The following ERCC1 variants were observed in gnomAD, a reference collection of about 807,000 sequenced individuals.
ERCC1 encodes ERCC excision repair 1, endonuclease non-catalytic subunit.
In ERCC1, 36 loss-of-function variants were observed where a neutral mutation model predicts 37.6. The ratio of observed to expected loss-of-function variants is 0.96; its 90% CI spans 0.73 to 1.26. The LOEUF (loss-of-function observed/expected upper bound fraction) is 1.26. Ranked by LOEUF, ERCC1 falls within the 50% of genes most tolerant of loss-of-function variation. The pLI is 0.00. For synonymous variants in ERCC1, 156 were observed against 162.1 expected (o/e 0.96, Z 0.28); for missense variants, 349 against 376.5 (o/e 0.93, Z 0.60).
chr19:45,412,623 T>C (rs993872676), intron 9 of ERCC1, among the ~76,000 whole-genome samples: 2 of 152,252 alleles, frequency 1.3e-5, no homozygotes, highest in African/African-American at 4.8e-5. Context: ...TTAGAACTCT[T>C]ATCTTCTGAT....
intron 7 of ERCC1, 191 bp from the exon 8 acceptor site, chr19:45,414,225 C>T (rs549077853): frequency 1.1e-5 from 7 of 634,852 alleles, no homozygotes; most frequent in Admixed American, 4.8e-5. Flanking sequence ...CCTAATAATC[C>T]CAGCACTTTC....
intron 1 of ERCC1, among the ~76,000 whole-genome samples, chr19:45,434,428 G>C (rs548083679): frequency 6.6e-6 from 1 of 151,944 alleles, no homozygotes; most frequent in Admixed American, 6.6e-5. Flanking sequence ...AAATGTCAAG[G>C]CTGCAGAGGG....
At chr19:45,444,353 C>A (rs1975202970) in intron 1 of ERCC1, among the ~76,000 whole-genome samples, 1 of 145,404 alleles carries the variant, frequency 6.9e-6, no homozygotes, top group South Asian at 2.2e-4. Flanking sequence ...CCCTCCCGGG[C>A]GCGCTCCCAC....
chr19:45,434,135 G>GTC (rs1461017996), intron 1 of ERCC1, among the ~76,000 whole-genome samples: 6 of 91,964 alleles, frequency 6.5e-5, no homozygotes, highest in African/African-American at 2.5e-4. Flanking sequence ...CAGCAAGAAT[G>GTC]TCTCACACAC....
chr19:45,411,111 A>T (rs918089599), intron 9 of ERCC1, among the ~76,000 whole-genome samples: 4 of 152,182 alleles, frequency 2.6e-5, no homozygotes, highest in Non-Finnish European at 5.9e-5. Context: ...GGTGTGAGCC[A>T]CCGCGCCCAG....
upstream of ERCC1, among the ~76,000 whole-genome samples, chr19:45,426,248 G>A (rs867079592): frequency 1.1e-4 from 16 of 151,998 alleles, no homozygotes; most frequent in Middle Eastern, 3.4e-3. Context: ...GCGTGGTAGC[G>A]CACACCTGTA....
chr19:45,442,184 C>T (rs1335858840), intron 1 of ERCC1, among the ~76,000 whole-genome samples: 1 of 151,114 alleles, frequency 6.6e-6, no homozygotes, highest in African/African-American at 2.4e-5. Flanking sequence ...AGTGTGGTGG[C>T]ATGCACCTGT....
chr19:45,429,577 A>G (rs1974784798), intron 1 of ERCC1, among the ~76,000 whole-genome samples: 1 of 152,178 alleles, frequency 6.6e-6, no homozygotes, highest in African/African-American at 2.4e-5. Context: ...GTTTCTCACC[A>G]GCAAGAGAAC....
In ERCC1 at chr19:45,439,161, G is replaced by A. The variant is rs757529590; in HGVS notation, c.-7-15780C>T. On this transcript the variant is annotated intron_variant, in intron 1 of 8. Transcript: ENST00000423698. ...AGATCGCACCACTGCACTCCAGCCT[G>A]GGCGACAGAGCGAGACTCTGTCTCA... Among the ~76,000 whole-genome samples, 46 of 152,014 alleles carry A rather than the reference G, an allele frequency of 3.0e-4. 1 individual carries two copies. Among genetic ancestry groups the A allele is most frequent in the Non-Finnish European group, 1.5e-4 (10 of 68,004 alleles).
chr19:45,408,920 C>A lies in ERCC1; in HGVS notation c.*755G>T. 6.2e-7 allele frequency: 1 copy of A among 1,614,062 alleles called. No individual in the cohort carries two copies. Among genetic ancestry groups the A allele is most frequent in the East Asian group, 2.2e-5 (1 of 44,868 alleles). On this transcript the variant is annotated 3_prime_UTR_variant, in exon 10 of 10. Transcript: ENST00000300853. Reference sequence around the variant, plus strand: ...TCAGCCACAGGTGAAGGTGGAGCCACTGGAGGAAGCCATCCCTCTGCCCCC... The same window carrying A: ...TCAGCCACAGGTGAAGGTGGAGCCAATGGAGGAAGCCATCCCTCTGCCCCC...
At chr19:45,447,039 A>C (rs1966965652) in intron 1 of ERCC1, among the ~76,000 whole-genome samples, 1 of 151,972 alleles carries the variant, frequency 6.6e-6, no homozygotes, top group South Asian at 2.1e-4. Flanking sequence ...AGATGGGGAG[A>C]ATGCTGGCCC....
At chr19:45,423,744 G>A (rs1974587832) in intron 1 of ERCC1, 37 bp downstream of exon 1, 1 of 1,155,198 alleles carries the variant, frequency 8.7e-7, no homozygotes, top group Non-Finnish European at 1.1e-6. Flanking sequence ...TGGCTTCCGC[G>A]GCGCCAATCT....
Position 45,450,135 on chromosome 19 carries a change from G to A in ERCC1, c.-7-26754C>T, listed in dbSNP as rs927179342. On this transcript the variant is annotated intron_variant, in intron 1 of 8. Transcript: ENST00000423698. ...TCACCTCCATTTCAGGAAGGAAGGA[G>A]GCTCAGAGGAAGTCACAGGTCAAGG... Among the ~76,000 whole-genome samples the A allele has an allele frequency of 8.5e-5, 13 of 152,272 alleles. No individual in the cohort carries two copies. In the East Asian group the frequency reaches 1.4e-3, roughly 16 times the overall value.
At chr19:45,438,103 G>C (rs1807180833) in intron 1 of ERCC1, among the ~76,000 whole-genome samples, 1 of 152,110 alleles carries the variant, frequency 6.6e-6, no homozygotes, top group South Asian at 2.1e-4. Context: ...GTAGAGATGG[G>C]ATTTCACCGT....
In ERCC1 at chr19:45,420,309, C is replaced by T. The variant is rs762946909; in HGVS notation, c.425+15G>A. The T allele has an allele frequency of 1.1e-5, 18 of 1,572,770 alleles. No homozygotes were observed. Among genetic ancestry groups the T allele is most frequent in the South Asian group, 2.2e-5 (2 of 88,992 alleles). ...GTGCCCTTCCTGAAGTCTGGGGTGG[C>T]GCCGCAGAGCTCACCTGAGGAACAG... is the stretch of plus-strand genomic sequence containing the variant. On this transcript the variant is annotated intron_variant, in intron 4 of 9. Coordinates refer to ENST00000300853, the MANE Select transcript of ERCC1 (RefSeq NM_001983.4). This position sits in a 1 kb window ranked among gnomAD's most constrained non-coding sequence, Gnocchi z 4.8.
chr19:45,419,137 C>T lies in ERCC1; in HGVS notation c.486G>A (p.Lys162=). Residue 162 remains lysine (K), a synonymous_variant, in exon 5 of 10, where the codon AAG becomes AAA. Transcript: ENST00000300853. ...YIHGRLQSLG[K]NFALRVLLVQ... ...CAAGCAGGACCCGCAAGGCGAAGTT[C>T]TTCCCCAGGCTCTGCAGCCGCCCAT... 1.3e-6 allele frequency: 2 copies of T among 1,594,672 alleles called. No individual in the cohort carries two copies. Among genetic ancestry groups the T allele is most frequent in the African/African-American group, 2.7e-5 (2 of 74,754 alleles).
In ERCC1 at chr19:45,409,146, A is replaced by C. The variant is rs1973529376; in HGVS notation, c.*529T>G. 3 of 1,613,022 alleles carry C rather than the reference A, an allele frequency of 1.9e-6. No homozygotes were observed. In the African/African-American group the frequency reaches 4.0e-5, roughly 22 times the overall value. On this transcript the variant is annotated 3_prime_UTR_variant, in exon 10 of 10. Transcript: ENST00000300853. ...AAGAAGACGAAGAAAGAAAAACAGC[A>C]AGATGCCACAGTGGAGCCAGAGACA...
chr19:45,441,224 C>T (rs1599863328), intron 1 of ERCC1, among the ~76,000 whole-genome samples: 1 of 152,222 alleles, frequency 6.6e-6, no homozygotes, highest in South Asian at 2.1e-4. Context: ...AGTGTCAGGC[C>T]TCAAGGACCT....
At chr19:45,428,088 T>TA, upstream of ERCC1, among the ~76,000 whole-genome samples, 1 of 141,804 alleles carries the variant, frequency 7.1e-6, no homozygotes, top group South Asian at 2.3e-4. Context: ...TCTTTCTTTT[T>TA]TTTTTTTTTT....
Sources: gnomAD v4.1 joint callset for allele counts (sites outside exome capture counted in the v4.1 genomes callset) on GRCh38, gnomAD v4.1.1 for gene constraint, Gnocchi (gnomAD v3.1) non-coding constraint, MANE v1.5 for transcripts, NCBI Gene and HGNC (gene_info 2026-07-23, HGNC 2026-07-21) for gene names.